Variants in WDR49 observed in about 807,000 individuals in gnomAD.
WDR49 encodes cilia- and flagella-associated protein 337.
WDR49 carries 107 observed loss-of-function variants against 119.5 expected under a neutral mutation model. The observed-to-expected ratio is 0.90, with a 90% CI of 0.77 to 1.05. The LOEUF (loss-of-function observed/expected upper bound fraction) is 1.05, where lower values mean the gene tolerates loss of function less well. Ranked by LOEUF, WDR49 falls within the 50% of genes least tolerant of loss-of-function variation. The pLI is 0.00. For synonymous variants in WDR49, 425 were observed against 418.8 expected (o/e 1.01, Z -0.18); for missense variants, 1,240 against 1,220.5 (o/e 1.02, Z -0.24).
chr3:167,534,031 T>C (rs1752936015), intron 11 of WDR49, among the ~76,000 whole-genome samples: 3 of 149,994 alleles, frequency 2.0e-5, no homozygotes, highest in South Asian at 2.1e-4. Flanking sequence ...CTACTAAAGA[T>C]ACAAAAAAAA....
At chr3:167,582,489 T>C (rs563928221) in intron 7 of WDR49, among the ~76,000 whole-genome samples, 2 of 152,294 alleles carry the variant, frequency 1.3e-5, no homozygotes, top group South Asian at 2.1e-4. Flanking sequence ...ATAACTATTA[T>C]AATAGTTATA....
intron 8 of WDR49, among the ~76,000 whole-genome samples, chr3:167,565,735 A>G (rs557262538): frequency 9.9e-5 from 15 of 152,182 alleles, no homozygotes; most frequent in Non-Finnish European, 2.2e-4. Flanking sequence ...AGGCTTAAGC[A>G]GTGTGAGGGA....
chr3:167,657,411 A>G (rs1268411960), upstream of WDR49, among the ~76,000 whole-genome samples: 1 of 152,174 alleles, frequency 6.6e-6, no homozygotes, highest in Non-Finnish European at 1.5e-5. Context: ...ATCTAATGAT[A>G]AAACTGGTTC....
At chr3:167,630,323 T>C (rs1717315747) in intron 2 of WDR49, among the ~76,000 whole-genome samples, 1 of 152,132 alleles carries the variant, frequency 6.6e-6, no homozygotes, top group Non-Finnish European at 1.5e-5. Context: ...CAATAAAGTA[T>C]TTTTTAATTA....
chr3:167,493,890 T>C (rs553202060), intron 18 of WDR49, among the ~76,000 whole-genome samples: 1 of 152,298 alleles, frequency 6.6e-6, no homozygotes, highest in Non-Finnish European at 1.5e-5. Context: ...CTCTATCCCA[T>C]CTTCGTCTGT....
chr3:167,549,904 C>T (rs1159337790), intron 10 of WDR49, among the ~76,000 whole-genome samples: 2 of 152,112 alleles, frequency 1.3e-5, no homozygotes, highest in Non-Finnish European at 2.9e-5. Context: ...TTTCAGCTTT[C>T]TACATATGGC....
chr3:167,609,211 C>T (rs1417068733), intron 5 of WDR49, among the ~76,000 whole-genome samples: 3 of 152,148 alleles, frequency 2.0e-5, no homozygotes, highest in African/African-American at 7.2e-5. Flanking sequence ...CAGAAAAAAA[C>T]ACTTTTACAA....
rs116859237 is a variant in WDR49 at position 167,543,757 on chromosome 3, G to A, written c.1824-6757C>T. Among the ~76,000 whole-genome samples the A allele has an allele frequency of 3.7e-4, 56 of 151,890 alleles. No homozygotes were observed. In the East Asian group the frequency reaches 7.8e-3, roughly 21 times the overall value. On this transcript the variant is annotated intron_variant, in intron 10 of 18. Transcript: ENST00000682715. ...AGACAAAAATGCCCACTTTCACCAC[G>A]TCTATTCAACATAGTACTGGAAGTC...
intron 11 of WDR49, among the ~76,000 whole-genome samples, chr3:167,535,945 C>T (rs1197159876): frequency 6.6e-6 from 1 of 152,020 alleles, no homozygotes; most frequent in Non-Finnish European, 1.5e-5. Context: ...CATGAATGAA[C>T]CTGGTGGACA....
intron 16 of WDR49, among the ~76,000 whole-genome samples, chr3:167,512,237 T>C (rs1433618511): frequency 6.6e-6 from 1 of 152,008 alleles, no homozygotes; most frequent in Non-Finnish European, 1.5e-5. Context: ...CCAGGATGGA[T>C]CTCCCAGGGG....
At chr3:167,584,325 CAG>C (rs1210557332) in intron 7 of WDR49, among the ~76,000 whole-genome samples, 13 of 152,042 alleles carry the variant, frequency 8.6e-5, no homozygotes, top group African/African-American at 3.1e-4. Context: ...AGTGAATAAA[CAG>C]AGAAATACTG....
At chr3:167,635,698 C>T (rs9836351) in intron 2 of WDR49, among the ~76,000 whole-genome samples, 40,300 of 151,276 alleles carry the variant, frequency 0.27, 5,644 homozygotes, top group African/African-American at 0.34. Flanking sequence ...TTCACTGACC[C>T]GAGGTTTACT....
chr3:167,519,222 C>A (rs1752333531), intron 16 of WDR49, among the ~76,000 whole-genome samples: 1 of 152,082 alleles, frequency 6.6e-6, no homozygotes, highest in Non-Finnish European at 1.5e-5. Flanking sequence ...TGTGGTGATT[C>A]CTCAAAGACC....
At position 167,627,187 on chromosome 3, in the gene WDR49, C is replaced by T. The variant is rs1428175876; in HGVS notation, c.271G>A (p.Asp91Asn). 10 of 1,257,354 alleles carry T rather than the reference C, an allele frequency of 8.0e-6. No individual in the cohort carries two copies. Among genetic ancestry groups the T allele is most frequent in the Non-Finnish European group, 1.0e-5 (10 of 1,002,246 alleles). 77.9% of individuals were successfully genotyped at this position (1,257,354 alleles called of 1,614,324 possible). A position where few individuals can be genotyped will look rare whatever the true frequency, so the allele number is the denominator to read the frequency against. The change falls in exon 3 of 19, where the codon GAC (aspartate) becomes AAC (asparagine). Residue 91 changes from aspartate (D) to asparagine (N), a missense_variant. Coordinates refer to ENST00000682715, the MANE Select transcript of WDR49 (RefSeq NM_001366157.1). ...CCATCTTGGGCCACATCCACTTTGT[C>T]AAAGAGCTCCCCATATTCTTCCTTC... ...GTKEEYGELF[D>N]KVDVAQDGFI...
intron 7 of WDR49, among the ~76,000 whole-genome samples, chr3:167,576,678 A>G (rs927843927): frequency 1.1e-4 from 17 of 152,156 alleles, no homozygotes; most frequent in African/African-American, 3.9e-4. Context: ...GCCATGATCC[A>G]AGGAAGCTTG....
intron 7 of WDR49, among the ~76,000 whole-genome samples, chr3:167,592,962 G>T (rs999817171): frequency 1.3e-5 from 2 of 152,038 alleles, no homozygotes; most frequent in African/African-American, 4.8e-5. Flanking sequence ...TGAAAATTTT[G>T]CTGCCAGACA....
At chr3:167,639,152 G>T (rs1717758990) in intron 2 of WDR49, among the ~76,000 whole-genome samples, 1 of 151,708 alleles carries the variant, frequency 6.6e-6, no homozygotes, top group Non-Finnish European at 1.5e-5. Flanking sequence ...AGCCAACAGA[G>T]AACTGAGCTT....
At chr3:167,550,793 G>T (rs1712513266) in intron 10 of WDR49, among the ~76,000 whole-genome samples, 1 of 148,910 alleles carries the variant, frequency 6.7e-6, no homozygotes. Flanking sequence ...GAGAGAGAGA[G>T]AGAGAGCTTT....
At chr3:167,479,433 G>A (rs1025687074) in intron 18 of WDR49, among the ~76,000 whole-genome samples, 2 of 152,124 alleles carry the variant, frequency 1.3e-5, no homozygotes, top group African/African-American at 4.8e-5. Context: ...ATAGGGGTTT[G>A]CAGTTTTAGG....
Sources: allele counts gnomAD v4.1 joint callset (sites outside exome capture counted in the v4.1 genomes callset), GRCh38; gene constraint gnomAD v4.1.1; transcripts MANE v1.5; gene names NCBI Gene and HGNC (gene_info 2026-07-23, HGNC 2026-07-21).